The following HEATR5B variants were observed in gnomAD, a reference collection of about 807,000 sequenced individuals.
HEATR5B encodes HEAT repeat-containing protein 5B.
HEATR5B carries 156 observed loss-of-function variants against 224.1 expected under a neutral mutation model. The observed-to-expected ratio is 0.70, with a 90% CI of 0.61 to 0.80. The LOEUF (loss-of-function observed/expected upper bound fraction) is 0.80, where lower values mean the gene tolerates loss of function less well. HEATR5B is among the 30% of genes least tolerant of loss of function. The probability of loss-of-function intolerance (pLI) is 0.00; values close to 1 mark genes in which losing one functional copy is unlikely to be tolerated. For missense variants in HEATR5B, 2,323 were observed against 2,535.5 expected, an observed-to-expected ratio of 0.92 and a Z score of 1.80; for synonymous variants, 1,027 against 893.0, an observed-to-expected ratio of 1.15 and a Z score of -2.68.
rs1558714281 is a variant in HEATR5B at position 37,002,550 on chromosome 2, C to CTCT, written c.5070_5072dup (p.Glu1691dup). The CTCT allele has an allele frequency of 1.1e-5, 17 of 1,613,908 alleles. No homozygotes were observed. Among genetic ancestry groups the CTCT allele is most frequent in the African/African-American group, 1.3e-5 (1 of 74,934 alleles). ...CTCCTTCTCCCAATACGGTACAGGC[C>CTCT]TCTTTTTCCATATCATCTTCATCTG... On this transcript the variant is annotated inframe_insertion, in exon 32 of 36. Coordinates refer to ENST00000233099, the MANE Select transcript of HEATR5B (RefSeq NM_019024.3).
chr2:37,020,458 T>A (rs768161128), intron 25 of HEATR5B, among the ~76,000 whole-genome samples, 197 bp downstream of exon 25: 1 of 152,170 alleles, frequency 6.6e-6, no homozygotes, highest in Non-Finnish European at 1.5e-5. Flanking sequence ...AACTTAAAAA[T>A]AGTGACAACA....
chr2:37,023,379 T>C (rs914911872), intron 24 of HEATR5B, among the ~76,000 whole-genome samples: 3 of 152,184 alleles, frequency 2.0e-5, no homozygotes, highest in African/African-American at 7.2e-5. Context: ...TTAAAGAAGT[T>C]TTTGTTGTCA....
rs1288080888 is a variant in HEATR5B at position 37,038,912 on chromosome 2, G to GC, written c.3047-889_3047-888insG. 3.8e-4 allele frequency among the ~76,000 whole-genome samples: 50 copies of GC among 131,752 alleles called. 1 individual carries two copies. The highest frequency in any genetic ancestry group is 6.3e-4 in the Non-Finnish European group (38 of 60,310). 86.4% of individuals were successfully genotyped at this position (131,752 alleles called of 152,430 possible). ...AAGACTCTGTCTCCCTGGGGTGGGG[G>GC]GGGTGGGGAATCACATATTTTTCAA... On this transcript the variant is annotated intron_variant, in intron 20 of 35. Transcript: ENST00000233099.
chr2:37,022,051 C>A (rs1483329315), intron 24 of HEATR5B, among the ~76,000 whole-genome samples: 1 of 151,686 alleles, frequency 6.6e-6, no homozygotes. Flanking sequence ...AAACACAGGT[C>A]ACAGATGCTC....
Position 37,072,231 on chromosome 2 carries a change from T to C in HEATR5B, c.648A>G (p.Leu216=), listed in dbSNP as rs1373512899. Residue 216 remains leucine, a synonymous_variant, in exon 6 of 36, where the codon CTA becomes CTG. Coordinates refer to ENST00000233099, the MANE Select transcript of HEATR5B (RefSeq NM_019024.3). ...TAAAGCAGAGAGTGGCTATATTTTC[T>C]AGTTCAGCAGTCCACATAAATACAG... The part of the protein sequence containing the change: ...NEAVFMWTAE[L]ENIATLCFKA... 3.1e-6 allele frequency: 5 copies of C among 1,613,890 alleles called. No individual in the cohort carries two copies. In the East Asian group the frequency reaches 6.7e-5, roughly 22 times the overall value.
chr2:36,981,499 A>C lies in HEATR5B; in HGVS notation c.6207T>G (p.Ser2069Arg), dbSNP rs1219622162. The change falls in exon 36 of 36, where the codon AGT becomes AGG. Residue 2069 changes from serine (S) to arginine (R), a missense_variant. Physicochemically the swap from Ser to Arg is moderately radical, Grantham distance 110. This residue lies in a region of HEATR5B where 844 missense variants were observed against 812.9 expected (regional missense o/e 1.04). Coordinates refer to ENST00000233099, the MANE Select transcript of HEATR5B (RefSeq NM_019024.3). ...TAAATGAAATTACAAATTAAAAAAA[A>C]CTTGTTTTTAGCTTAATTGTTGGTG... is the stretch of plus-strand genomic sequence containing the variant. The part of the protein sequence containing the change: ...HSAPTIKLKT[S>R]FF 1 of 1,593,290 alleles carries C rather than the reference A, an allele frequency of 6.3e-7. No homozygotes were observed. Among genetic ancestry groups the C allele is most frequent in the Admixed American group, 1.8e-5 (1 of 54,968 alleles).
chr2:37,081,931 CA>C (rs1672597011), intron 2 of HEATR5B, among the ~76,000 whole-genome samples: 1 of 151,904 alleles, frequency 6.6e-6, no homozygotes, highest in East Asian at 1.9e-4. Context: ...GGTCAGGGAC[CA>C]AACTAGCCTA....
At chr2:37,041,758 T>C (rs202203548) in intron 18 of HEATR5B, among the ~76,000 whole-genome samples, 2 of 149,368 alleles carry the variant, frequency 1.3e-5, no homozygotes, top group African/African-American at 2.4e-5. Context: ...AATAATAATA[T>C]TAATAATAAT....
intron 12 of HEATR5B, among the ~76,000 whole-genome samples, chr2:37,060,103 C>A (rs531357518): frequency 2.0e-5 from 3 of 152,182 alleles, no homozygotes; most frequent in African/African-American, 7.2e-5. Flanking sequence ...CAACTGTATC[C>A]GTTATTTTTG....
At chr2:37,064,265 A>AT (rs1430032005) in intron 10 of HEATR5B, among the ~76,000 whole-genome samples, 1 of 149,048 alleles carries the variant, frequency 6.7e-6, no homozygotes, top group Non-Finnish European at 1.5e-5. Flanking sequence ...AATAATTACT[A>AT]TATCTAAGGT....
chr2:37,015,773 A>G (rs866110792), intron 26 of HEATR5B, among the ~76,000 whole-genome samples: 13 of 152,220 alleles, frequency 8.5e-5, no homozygotes, highest in African/African-American at 3.1e-4. Flanking sequence ...TCAGCAGGCA[A>G]TTAAAAACTT....
At chr2:37,005,834 C>T (rs1667380440) in intron 29 of HEATR5B, 75 bp from the exon 30 acceptor site, 6 of 1,207,472 alleles carry the variant, frequency 5.0e-6, no homozygotes, top group Non-Finnish European at 6.9e-6. Context: ...TATTTCTTCT[C>T]TATTTATGTT....
At chr2:37,011,899 T>A (rs897238639) in intron 27 of HEATR5B, among the ~76,000 whole-genome samples, 2 of 152,206 alleles carry the variant, frequency 1.3e-5, no homozygotes, top group African/African-American at 4.8e-5. Flanking sequence ...AGAAATGGAA[T>A]CACTGGGTCA....
intron 12 of HEATR5B, among the ~76,000 whole-genome samples, chr2:37,059,428 GTGTGTGTGTGTGTGTGTGTA>G (rs1264906310): frequency 1.4e-4 from 12 of 87,972 alleles, no homozygotes; most frequent in Non-Finnish European, 2.0e-4. Context: ...GTGTGTGTGT[GTGTGTGTGTGTGTGTGTGTA>G]TATATATATA....
chr2:37,020,300 T>C (rs1460345207), intron 25 of HEATR5B, among the ~76,000 whole-genome samples: 1 of 152,234 alleles, frequency 6.6e-6, no homozygotes, highest in East Asian at 1.9e-4. Flanking sequence ...TTATGAAGGT[T>C]TGCCATATAA....
chr2:37,077,255 C>G (rs1672291388), intron 3 of HEATR5B, among the ~76,000 whole-genome samples: 1 of 151,920 alleles, frequency 6.6e-6, no homozygotes, highest in Non-Finnish European at 1.5e-5. Context: ...ACAAAAGAAT[C>G]TATATATGTA....
chr2:37,073,049 C>T (rs1015183576), intron 5 of HEATR5B, among the ~76,000 whole-genome samples: 4 of 152,168 alleles, frequency 2.6e-5, no homozygotes, highest in Non-Finnish European at 5.9e-5. Context: ...AATACCAATT[C>T]TATACCAACT....
chr2:36,985,458 GTTTT>G lies in HEATR5B; in HGVS notation c.5911+3184_5911+3187del, dbSNP rs376871419. Among the ~76,000 whole-genome samples, 965 of 126,712 alleles carry G rather than the reference GTTTT, an allele frequency of 7.6e-3. 8 individuals carry two copies. Among genetic ancestry groups the G allele is most frequent in the African/African-American group, 0.027 (925 of 33,916 alleles). The allele number at this position is 126,712 out of a possible 152,430, so 83.1% of individuals were successfully genotyped here. A position where few individuals can be genotyped will look rare whatever the true frequency, so the allele number is the denominator to read the frequency against. Reference sequence around the variant, plus strand: ...GAAATCACGATGGTGCTTTTTTTTGGTTTTTTTTTTTTTTTTTGAGACAGAGTCT... The same window carrying G: ...GAAATCACGATGGTGCTTTTTTTTGGTTTTTTTTTTTTTGAGACAGAGTCT... On this transcript the variant is annotated intron_variant, in intron 35 of 35. Coordinates refer to ENST00000233099, the MANE Select transcript of HEATR5B (RefSeq NM_019024.3).
intron 16 of HEATR5B, among the ~76,000 whole-genome samples, chr2:37,056,082 A>G (rs1670888186): frequency 6.6e-6 from 1 of 152,218 alleles, no homozygotes; most frequent in South Asian, 2.1e-4. Context: ...TTTAAGATAT[A>G]GTCAAAACCT....
Sources: allele counts gnomAD v4.1 joint callset (sites outside exome capture counted in the v4.1 genomes callset), GRCh38; gene constraint gnomAD v4.1.1; regional missense constraint gnomAD v4.1.1; transcripts MANE v1.5; gene names NCBI Gene and HGNC (gene_info 2026-07-23, HGNC 2026-07-21).